RAPGEF1: variants seen among roughly 807,000 people sequenced by gnomAD.
RAPGEF1 encodes CRK SH3-binding GNRP.
Under a neutral mutation model 143.3 loss-of-function variants are expected in RAPGEF1, and 33 were observed. That is an observed-to-expected ratio of 0.23 (90% confidence interval 0.17 to 0.31). RAPGEF1 has a LOEUF of 0.31. RAPGEF1 is among the 10% of genes least tolerant of loss of function. RAPGEF1 has a pLI of 1.00. For missense variants in RAPGEF1, 1,199 were observed against 1,645.4 expected (o/e 0.73, Z 4.69); for synonymous variants, 629 against 676.5 (o/e 0.93, Z 1.09).
At chr9:131,622,630 G>A (rs1048100629) in intron 10 of RAPGEF1, among the ~76,000 whole-genome samples, 3 of 152,182 alleles carry the variant, frequency 2.0e-5, no homozygotes, top group Non-Finnish European at 4.4e-5. Context: ...AAAAGAATAT[G>A]TAAGAATTTC....
intron 1 of RAPGEF1, among the ~76,000 whole-genome samples, chr9:131,720,949 A>T (rs1836219451): frequency 6.6e-6 from 1 of 152,200 alleles, no homozygotes. Flanking sequence ...TTTTTACCTT[A>T]AGATAATGTG....
chr9:131,586,214 G>A (rs199834864), intron 22 of RAPGEF1, among the ~76,000 whole-genome samples: 12,285 of 124,412 alleles, frequency 0.099, 660 homozygotes, highest in Middle Eastern at 0.29. Flanking sequence ...ACACACGCAC[G>A]CACACACACA....
rs1189600588 is a variant in RAPGEF1, at chr9:131,586,661, C to T, written c.3233+1075G>A. ...AGACTCCGTCTCAAACACACACACA[C>T]ACACACACCCCTGCAGAGTGAGACT... On this transcript the variant is annotated intron_variant, in intron 22 of 26. Transcript: ENST00000683357. 1.5e-5 allele frequency among the ~76,000 whole-genome samples: 2 copies of T among 135,716 alleles called. 1 individual carries two copies. The highest frequency in any genetic ancestry group is 6.0e-5 in the African/African-American group (2 of 33,576). 89.0% of individuals were successfully genotyped at this position (135,716 alleles called of 152,430 possible).
At chr9:131,715,863 CA>C (rs145340457) in intron 1 of RAPGEF1, among the ~76,000 whole-genome samples, 149 of 72,526 alleles carry the variant, frequency 2.1e-3, no homozygotes, top group East Asian at 3.2e-3. Flanking sequence ...GACTCCCTCT[CA>C]AAAAAAAAAA....
chr9:131,595,217 C>T (rs1588280248), intron 17 of RAPGEF1, among the ~76,000 whole-genome samples: 1 of 152,248 alleles, frequency 6.6e-6, no homozygotes, highest in South Asian at 2.1e-4. Context: ...GATGCAGCAT[C>T]GCCAGGTCTG....
chr9:131,683,113 C>T (rs1233521000), intron 1 of RAPGEF1, among the ~76,000 whole-genome samples: 4 of 152,128 alleles, frequency 2.6e-5, no homozygotes, highest in Admixed American at 1.3e-4. Flanking sequence ...TGAATTGGGG[C>T]ATGTCCCTGG....
rs575904293 is a variant in RAPGEF1, at chr9:131,717,441, G to A, written c.61+22329C>T. On this transcript the variant is annotated intron_variant, in intron 1 of 26. Coordinates refer to ENST00000683357, the MANE Select transcript of RAPGEF1 (RefSeq NM_001377935.1). Reference sequence around the variant, plus strand: ...TCTGGGCTCTGGTGAAATAGCAGCCGACAGGGAGCTTACCTCCCAATGAGG... The same window carrying A: ...TCTGGGCTCTGGTGAAATAGCAGCCAACAGGGAGCTTACCTCCCAATGAGG... Among the ~76,000 whole-genome samples, 189 of 152,280 alleles carry A rather than the reference G, an allele frequency of 1.2e-3. 2 individuals are homozygous for A. The South Asian group carries it at 0.019, about 15-fold the overall frequency.
chr9:131,735,074 T>G (rs1837329657), intron 1 of RAPGEF1, among the ~76,000 whole-genome samples: 1 of 152,168 alleles, frequency 6.6e-6, no homozygotes, highest in African/African-American at 2.4e-5. Context: ...ACAAAACTGC[T>G]TAACTTATGG....
chr9:131,718,435 A>G (rs924923016), intron 1 of RAPGEF1, among the ~76,000 whole-genome samples: 6 of 152,200 alleles, frequency 3.9e-5, no homozygotes, highest in Non-Finnish European at 5.9e-5. Context: ...AATGGCTGTG[A>G]GTTGGGAGAA....
chr9:131,736,957 C>T (rs903871730), intron 1 of RAPGEF1, among the ~76,000 whole-genome samples: 1 of 152,160 alleles, frequency 6.6e-6, no homozygotes, highest in South Asian at 2.1e-4. Context: ...AAAACTCCAA[C>T]AGAAATCTAA....
chr9:131,592,635 G>A (rs1337706100), intron 17 of RAPGEF1, among the ~76,000 whole-genome samples: 2 of 152,154 alleles, frequency 1.3e-5, no homozygotes, highest in East Asian at 3.8e-4. Context: ...CCTGTCCTAA[G>A]GCTTTATGCT....
intron 17 of RAPGEF1, 131 bp from the exon 18 acceptor site, chr9:131,592,314 G>A: frequency 1.5e-6 from 1 of 678,810 alleles, no homozygotes; most frequent in South Asian, 1.8e-5. Flanking sequence ...GGGCGAGGGA[G>A]CCGAGGGCTT....
rs538937770 is a variant in RAPGEF1 at position 131,681,349 on chromosome 9, C to G, written c.62-30400G>C. Among the ~76,000 whole-genome samples the G allele has an allele frequency of 2.0e-4, 30 of 152,250 alleles. No individual in the cohort carries two copies. In the South Asian group the frequency reaches 5.4e-3, roughly 27 times the overall value. ...TCTATTCAGGCAGGAATTCAGCAAG[C>G]TAGACGAGGGAGTGATTTAGAGGCT... On this transcript the variant is annotated intron_variant, in intron 1 of 26. Coordinates refer to ENST00000683357, the MANE Select transcript of RAPGEF1 (RefSeq NM_001377935.1).
intron 12 of RAPGEF1, among the ~76,000 whole-genome samples, chr9:131,607,587 G>C (rs924172723): frequency 6.6e-6 from 1 of 152,072 alleles, no homozygotes; most frequent in Non-Finnish European, 1.5e-5. Context: ...CTGCTGGGGG[G>C]GCTGCCTTCA....
chr9:131,733,563 G>A (rs1377215651), intron 1 of RAPGEF1, among the ~76,000 whole-genome samples: 1 of 152,146 alleles, frequency 6.6e-6, no homozygotes, highest in Non-Finnish European at 1.5e-5. Context: ...CTGGCCTGCT[G>A]GATGACAGAT....
chr9:131,605,268 G>A (rs1956936360), intron 12 of RAPGEF1, 80 bp from the exon 13 acceptor site: 2 of 1,152,712 alleles, frequency 1.7e-6, no homozygotes, highest in Non-Finnish European at 1.1e-6. Flanking sequence ...GGCAGTAGCT[G>A]AGCAGTGACA....
rs745523700 is a variant in RAPGEF1 at position 131,584,454 on chromosome 9, G to C, written c.3313-42C>G. ...GGTGCCGTGAGGCAGGAGGGCAGGC[G>C]GGTCCCGGGCTCCCAGAGCAGGGAC... On this transcript the variant is annotated intron_variant, in intron 23 of 26. Coordinates refer to ENST00000683357, the MANE Select transcript of RAPGEF1 (RefSeq NM_001377935.1). This position sits in a 1 kb window ranked among gnomAD's most constrained non-coding sequence, Gnocchi z 6.8. 1 of 1,612,728 alleles carries C rather than the reference G, an allele frequency of 6.2e-7. No individual in the cohort carries two copies. The highest frequency in any genetic ancestry group is 1.7e-5 in the Admixed American group (1 of 60,014).
At chr9:131,699,020 G>A (rs1432490806) in intron 1 of RAPGEF1, among the ~76,000 whole-genome samples, 2 of 151,698 alleles carry the variant, frequency 1.3e-5, no homozygotes, top group Non-Finnish European at 2.9e-5. Context: ...GGTCTTGAGC[G>A]ATGTTTCCAT....
chr9:131,692,230 T>C (rs1221669615), intron 1 of RAPGEF1, among the ~76,000 whole-genome samples: 1 of 152,216 alleles, frequency 6.6e-6, no homozygotes, highest in Non-Finnish European at 1.5e-5. Context: ...AAGCTCATTT[T>C]GCAAAAAAAT....
Sources: gnomAD v4.1 joint callset for allele counts (sites outside exome capture counted in the v4.1 genomes callset) on GRCh38, gnomAD v4.1.1 for gene constraint, Gnocchi (gnomAD v3.1) non-coding constraint, MANE v1.5 for transcripts, NCBI Gene and HGNC (gene_info 2026-07-23, HGNC 2026-07-21) for gene names.